The following BRIP1 variants were observed in gnomAD, a reference collection of about 807,000 sequenced individuals.
BRIP1 encodes Fanconi anemia group J protein.
A neutral mutation model predicts 119.7 loss-of-function variants in BRIP1; 88 were observed. The ratio of observed to expected loss-of-function variants is 0.74; its 90% CI spans 0.62 to 0.88. The LOEUF is 0.88. Among genes scored for constraint, BRIP1 ranks in the 40% least tolerant of loss-of-function variants. The pLI, the probability that BRIP1 is intolerant of heterozygous loss-of-function variation, is 0.00. For synonymous variants in BRIP1, 443 were observed against 496.5 expected, an observed-to-expected ratio of 0.89 and a Z score of 1.43; for missense variants, 1,259 against 1,455.4, an observed-to-expected ratio of 0.87 and a Z score of 2.20.
At position 61,759,118 on chromosome 17, in the gene BRIP1, G is replaced by A. The variant is rs931424319; in HGVS notation, c.2098-14527C>T. On this transcript the variant is annotated intron_variant, in intron 14 of 19. Coordinates refer to ENST00000259008, the MANE Select transcript of BRIP1 (RefSeq NM_032043.3). This position sits in a 1 kb window ranked among gnomAD's most constrained non-coding sequence, Gnocchi z 4.9. ...TTACACTCTAGCAAAAAGACATAGA[G>A]TCTTAATTCCCAGAGCAATTTAGAA... Among the ~76,000 whole-genome samples the A allele has an allele frequency of 6.6e-6, 1 of 152,044 alleles. No homozygotes were observed.
Position 61,804,587 on chromosome 17 carries a change from C to T in BRIP1, c.919-3113G>A, listed in dbSNP as rs1359432858. Among the ~76,000 whole-genome samples, 1 of 151,924 alleles carries T rather than the reference C, an allele frequency of 6.6e-6. No homozygotes were observed. The highest frequency in any genetic ancestry group is 1.5e-5 in the Non-Finnish European group (1 of 67,954). On this transcript the variant is annotated intron_variant, in intron 7 of 19. Coordinates refer to ENST00000259008, the MANE Select transcript of BRIP1 (RefSeq NM_032043.3). The surrounding 1 kb of genome is among the most constrained non-coding windows in gnomAD (Gnocchi z 4.5). ...GTATTTTTAGTAGAGACAGGTTTTG[C>T]CATGTTGGCCAGGCCAGTCTTGAAC...
At chr17:61,819,745 G>A (rs1005849689) in intron 6 of BRIP1, among the ~76,000 whole-genome samples, 2 of 152,120 alleles carry the variant, frequency 1.3e-5, no homozygotes, top group African/African-American at 2.4e-5. Context: ...GTAGTCTAGG[G>A]AGGGGAGAGA....
intron 8 of BRIP1, 67 bp downstream of exon 8, chr17:61,801,186 C>CT: frequency 6.9e-7 from 1 of 1,451,376 alleles, no homozygotes. Context: ...CATCTAAAAG[C>CT]TTTTACATTC....
In BRIP1 at chr17:61,682,008, T is replaced by C. The variant is rs1442876417; in HGVS notation, c.*1288A>G. 1.5e-5 allele frequency: 3 copies of C among 201,834 alleles called. No homozygotes were observed. The highest frequency in any genetic ancestry group is 6.9e-5 in the African/African-American group (3 of 43,614). 12.5% of individuals were successfully genotyped at this position (201,834 alleles called of 1,614,324 possible). Reference sequence around the variant, plus strand: ...TGTTTCTTAAAAAGAGATCAATGAATGTATTTTTGGAATGATGTCAGAGAT... The same window carrying C: ...TGTTTCTTAAAAAGAGATCAATGAACGTATTTTTGGAATGATGTCAGAGAT... On this transcript the variant is annotated 3_prime_UTR_variant, in exon 20 of 20. Transcript: ENST00000259008. This position sits in a 1 kb window ranked among gnomAD's most constrained non-coding sequence, Gnocchi z 4.9.
intron 6 of BRIP1, among the ~76,000 whole-genome samples, chr17:61,812,008 T>C (rs1279775889): frequency 6.6e-6 from 1 of 152,048 alleles, no homozygotes; most frequent in African/African-American, 2.4e-5. Flanking sequence ...ACAGAAAAAC[T>C]GATTGTAGTA....
In BRIP1 at chr17:61,808,689, G is replaced by A. The variant is rs772957320; in HGVS notation, c.696C>T (p.Thr232=). 6.2e-7 allele frequency: 1 copy of A among 1,613,746 alleles called. No homozygotes were observed. Among genetic ancestry groups the A allele is most frequent in the African/African-American group, 1.3e-5 (1 of 74,970 alleles). The change falls in exon 7 of 20, where the codon ACC becomes ACT. Residue 232 remains threonine (T), a synonymous_variant. Coordinates refer to ENST00000259008, the MANE Select transcript of BRIP1 (RefSeq NM_032043.3). The surrounding 1 kb of genome is among the most constrained non-coding windows in gnomAD (Gnocchi z 4.1). ...KQGNSQESSN[T]IKKDHTGKSK... is the part of the protein sequence containing the mutation. Reference sequence around the variant, plus strand: ...ATTTCCCTGTATGATCCTTCTTAATGGTATTCGATGACTCTTGACTGTTTC... The same window carrying A: ...ATTTCCCTGTATGATCCTTCTTAATAGTATTCGATGACTCTTGACTGTTTC...
Position 61,860,120 on chromosome 17 carries a change from AGAAAT to A in BRIP1, c.94-218_94-214del, listed in dbSNP as rs1418149562. ...TTACTAAAATATCAAGCACAAGAGA[AGAAAT>A]GAAAAGAGGAATCTGTGCCAGAATT... On this transcript the variant is annotated intron_variant, in intron 2 of 19. Coordinates refer to ENST00000259008, the MANE Select transcript of BRIP1 (RefSeq NM_032043.3). The surrounding 1 kb of genome is among the most constrained non-coding windows in gnomAD (Gnocchi z 4.1). Among the ~76,000 whole-genome samples, 3 of 152,212 alleles carry A rather than the reference AGAAAT, an allele frequency of 2.0e-5. No homozygotes were observed. Among genetic ancestry groups the A allele is most frequent in the Admixed American group, 6.5e-5 (1 of 15,284 alleles).
chr17:61,771,948 T>C (rs1375458913), intron 14 of BRIP1, among the ~76,000 whole-genome samples: 1 of 151,524 alleles, frequency 6.6e-6, no homozygotes, highest in Non-Finnish European at 1.5e-5. Context: ...GGTGACAGAG[T>C]GAGACTCCAT....
rs1164887350 is a variant in BRIP1 at position 61,846,244 on chromosome 17, AAAAGAGAGAGAGAGAG to A, written c.627+841_627+856del. 8.1e-6 allele frequency among the ~76,000 whole-genome samples: 1 copy of A among 123,976 alleles called. No individual in the cohort carries two copies. Among genetic ancestry groups the A allele is most frequent in the East Asian group, 1.9e-4 (1 of 5,142 alleles). The allele number at this position is 123,976 out of a possible 152,430, so 81.3% of individuals were successfully genotyped here. On this transcript the variant is annotated intron_variant, in intron 6 of 19. Coordinates refer to ENST00000259008, the MANE Select transcript of BRIP1 (RefSeq NM_032043.3). The surrounding 1 kb of genome is among the most constrained non-coding windows in gnomAD (Gnocchi z 4.3). Reference sequence around the variant, plus strand: ...ATACATATAGAGAGAGAGAGAGAGAAAAAGAGAGAGAGAGAGAAAGAGAGAGAGAGAGAGGTTGGAG... The same window carrying A: ...ATACATATAGAGAGAGAGAGAGAGAAAAAGAGAGAGAGAGAGAGGTTGGAG...
intron 14 of BRIP1, among the ~76,000 whole-genome samples, chr17:61,766,963 C>T (rs1384678785): frequency 6.6e-6 from 1 of 151,966 alleles, no homozygotes; most frequent in Non-Finnish European, 1.5e-5. Flanking sequence ...AGTTCTAAAG[C>T]AATGCTGCTA....
At position 61,859,869 on chromosome 17, in the gene BRIP1, CAACA is replaced by C. The variant is rs1064794202; in HGVS notation, c.128_131del (p.Leu43TrpfsTer11). The C allele has an allele frequency of 1.2e-6, 2 of 1,613,792 alleles. No homozygotes were observed. The highest frequency in any genetic ancestry group is 1.7e-6 in the Non-Finnish European group (2 of 1,179,778). On this transcript the variant is annotated frameshift_variant, in exon 3 of 20. Transcript: ENST00000259008. LOFTEE classifies it high-confidence loss of function. ...TTTTTCCACTTCCTGTGGGACTCTC[CAACA>C]AACAATGTTGCTTGCTGTTTAATCC... is the stretch of plus-strand genomic sequence containing the variant.
At position 61,814,030 on chromosome 17, in the gene BRIP1, G is replaced by A. The variant is rs2078202753; in HGVS notation, c.628-5273C>T. Reference sequence around the variant, plus strand: ...ATTTAAATCAAATATGTTATAACAAGATCCATATTATGTCCCCCAAGGGAA... The same window carrying A: ...ATTTAAATCAAATATGTTATAACAAAATCCATATTATGTCCCCCAAGGGAA... On this transcript the variant is annotated intron_variant, in intron 6 of 19. Transcript: ENST00000259008. This position sits in a 1 kb window ranked among gnomAD's most constrained non-coding sequence, Gnocchi z 4.9. Among the ~76,000 whole-genome samples the A allele has an allele frequency of 6.6e-6, 1 of 151,970 alleles. No individual in the cohort carries two copies.
At position 61,834,440 on chromosome 17, in the gene BRIP1, T is replaced by C. The variant is rs2078540845; in HGVS notation, c.627+12661A>G. On this transcript the variant is annotated intron_variant, in intron 6 of 19. Coordinates refer to ENST00000259008, the MANE Select transcript of BRIP1 (RefSeq NM_032043.3). This position sits in a 1 kb window ranked among gnomAD's most constrained non-coding sequence, Gnocchi z 4.4. Reference sequence around the variant, plus strand: ...GAAAACATAGTAGTGTTCTCTATGGTGGAAATGTTTACATATATACTCAGT... The same window carrying C: ...GAAAACATAGTAGTGTTCTCTATGGCGGAAATGTTTACATATATACTCAGT... Among the ~76,000 whole-genome samples the C allele has an allele frequency of 6.6e-6, 1 of 151,980 alleles. No homozygotes were observed. The highest frequency in any genetic ancestry group is 2.1e-4 in the South Asian group (1 of 4,824).
At chr17:61,719,687 T>C (rs949925000) in intron 16 of BRIP1, among the ~76,000 whole-genome samples, 15 of 148,136 alleles carry the variant, frequency 1.0e-4, no homozygotes, top group African/African-American at 3.5e-4. Flanking sequence ...ATCGCACCAC[T>C]GCACTCCAGC....
At chr17:61,812,922 C>A (rs1182157826) in intron 6 of BRIP1, among the ~76,000 whole-genome samples, 1 of 152,018 alleles carries the variant, frequency 6.6e-6, no homozygotes, top group African/African-American at 2.4e-5. Flanking sequence ...GGTAACATAC[C>A]ACAATGTCAA....
intron 6 of BRIP1, among the ~76,000 whole-genome samples, chr17:61,818,449 CTGAGTTGAT>C (rs1444967522): frequency 6.6e-6 from 1 of 152,092 alleles, no homozygotes; most frequent in Non-Finnish European, 1.5e-5. Context: ...GGCATTTAGA[CTGAGTTGAT>C]TAATTACAGA....
Position 61,803,579 on chromosome 17 carries a change from C to G in BRIP1, c.919-2105G>C, listed in dbSNP as rs919090495. The stretch of plus-strand genomic sequence containing the variant: ...ATTAAACCGCAGTGAGCAGTGACCA[C>G]GCCACTGCACTCCAGCCTGGGCAAC... On this transcript the variant is annotated intron_variant, in intron 7 of 19. Transcript: ENST00000259008. The surrounding 1 kb of genome is among the most constrained non-coding windows in gnomAD (Gnocchi z 4.3). 1.3e-5 allele frequency among the ~76,000 whole-genome samples: 2 copies of G among 151,834 alleles called. No homozygotes were observed. The highest frequency in any genetic ancestry group is 3.9e-4 in the East Asian group (2 of 5,160).
chr17:61,764,294 C>A (rs1310924175), intron 14 of BRIP1, among the ~76,000 whole-genome samples: 3 of 152,106 alleles, frequency 2.0e-5, no homozygotes, highest in Non-Finnish European at 4.4e-5. Flanking sequence ...ATTGCACAGC[C>A]CAGGATTTAG....
Position 61,755,478 on chromosome 17 carries a change from G to A in BRIP1, c.2098-10887C>T, listed in dbSNP as rs2077188345. On this transcript the variant is annotated intron_variant, in intron 14 of 19. Coordinates refer to ENST00000259008, the MANE Select transcript of BRIP1 (RefSeq NM_032043.3). The surrounding 1 kb of genome is among the most constrained non-coding windows in gnomAD (Gnocchi z 4.5). The stretch of plus-strand genomic sequence containing the variant: ...GGAGGCTGAGGTGGGAGGACTGCTT[G>A]AGCCCTGGAGGTTGAGGCTGCACTG... 6.6e-6 allele frequency among the ~76,000 whole-genome samples: 1 copy of A among 152,176 alleles called. No homozygotes were observed. The highest frequency in any genetic ancestry group is 1.9e-4 in the East Asian group (1 of 5,198).
Sources: gnomAD v4.1 joint callset for allele counts (sites outside exome capture counted in the v4.1 genomes callset) on GRCh38, gnomAD v4.1.1 for gene constraint, Gnocchi (gnomAD v3.1) non-coding constraint, MANE v1.5 for transcripts, NCBI Gene and HGNC (gene_info 2026-07-23, HGNC 2026-07-21) for gene names.